Variants in FBP1 observed in about 807,000 individuals in gnomAD.
FBP1 encodes the protein fructose-bisphosphatase 1, also known as fructose-1,6-bisphosphatase 1.
In FBP1, 22 loss-of-function variants were observed where a neutral mutation model predicts 29.9. The observed-to-expected ratio is 0.74, with a 90% CI of 0.53 to 1.05. FBP1 has a LOEUF of 1.05. Among genes scored for constraint, FBP1 ranks in the 50% least tolerant of loss-of-function variants. FBP1 has a pLI of 0.00. For synonymous variants in FBP1, 175 were observed against 178.6 expected (o/e 0.98, Z 0.16); for missense variants, 345 against 448.2 (o/e 0.77, Z 2.08).
chr9:94,605,851 A>C (rs1246828910), intron 5 of FBP1, among the ~76,000 whole-genome samples: 1 of 152,222 alleles, frequency 6.6e-6, no homozygotes, highest in Non-Finnish European at 1.5e-5. Context: ...TGAGGCAGGC[A>C]TTACAGAAAC....
chr9:94,629,899 T>G (rs1318498475), intron 1 of FBP1, among the ~76,000 whole-genome samples: 2 of 152,204 alleles, frequency 1.3e-5, no homozygotes, highest in Non-Finnish European at 2.9e-5. Context: ...GGAGGGCCTC[T>G]GAGCTCACCT....
intron 2 of FBP1, among the ~76,000 whole-genome samples, chr9:94,618,455 TAAAAAAAAAAAAAAA>T (rs59806476): frequency 2.8e-4 from 21 of 74,602 alleles, no homozygotes; most frequent in Admixed American, 8.5e-4. Context: ...ACTCCTTCTG[TAAAAAAAAAAAAAAA>T]AAAAAAAAAA....
At chr9:94,618,492 T>G (rs1264979782) in intron 2 of FBP1, among the ~76,000 whole-genome samples, 2 of 130,952 alleles carry the variant, frequency 1.5e-5, no homozygotes, top group Admixed American at 7.8e-5. Flanking sequence ...AAAAAAAAAT[T>G]CAATTAGCTG....
Position 94,605,442 on chromosome 9 carries a change from A to AG in FBP1, c.825+14dup. 6.2e-7 allele frequency: 1 copy of AG among 1,612,700 alleles called. No homozygotes were observed. Among genetic ancestry groups the AG allele is most frequent in the Non-Finnish European group, 8.5e-7 (1 of 1,179,672 alleles). On this transcript the variant is annotated intron_variant, in intron 6 of 6. Transcript: ENST00000375326. ...GAAATCTGCTCCTCACTCCCTCTCCAGGGGACACCCTTACCTTTCCATTGG... is the reference window on the plus strand; with the variant it reads ...GAAATCTGCTCCTCACTCCCTCTCCAGGGGGACACCCTTACCTTTCCATTGG...
chr9:94,609,133 G>A (rs28369736), intron 4 of FBP1, among the ~76,000 whole-genome samples: 1,927 of 151,354 alleles, frequency 0.013, 48 homozygotes, highest in African/African-American at 0.044. Flanking sequence ...AACTTGCAGT[G>A]AGCCGAGATC....
At chr9:94,619,874 C>CAAAAAAGAAAAAAAAA (rs1827918636) in intron 2 of FBP1, among the ~76,000 whole-genome samples, 1 of 99,184 alleles carries the variant, frequency 1.0e-5, no homozygotes, top group Admixed American at 1.2e-4. Context: ...AACACTGTCT[C>CAAAAAAGAAAAAAAAA]AAAAAAAAAA....
intron 1 of FBP1, 29 bp downstream of exon 1, chr9:94,639,112 C>G: frequency 6.4e-7 from 1 of 1,572,268 alleles, no homozygotes; most frequent in Non-Finnish European, 8.6e-7. Flanking sequence ...ACAGACAGGA[C>G]GGGGCCCACC....
At chr9:94,638,635 G>C (rs201419601) in intron 1 of FBP1, among the ~76,000 whole-genome samples, 6 of 41,626 alleles carry the variant, frequency 1.4e-4, no homozygotes, top group Non-Finnish European at 3.1e-4. Flanking sequence ...CGGGGGGGGC[G>C]GGGGGGACAC....
chr9:94,618,608 C>G (rs28369706), intron 2 of FBP1, among the ~76,000 whole-genome samples: 2,185 of 152,110 alleles, frequency 0.014, 56 homozygotes, highest in African/African-American at 0.05. Context: ...CTGTGCACTC[C>G]AGTCTGGGTG....
chr9:94,633,468 C>A (rs1333139273), intron 1 of FBP1, among the ~76,000 whole-genome samples: 1 of 152,176 alleles, frequency 6.6e-6, no homozygotes, highest in Non-Finnish European at 1.5e-5. Context: ...TTGATGCTTC[C>A]CCAATGTACC....
chr9:94,620,375 A>G lies in FBP1; in HGVS notation c.287T>C (p.Val96Ala). The G allele has an allele frequency of 6.2e-7, 1 of 1,614,224 alleles. No individual in the cohort carries two copies. Among genetic ancestry groups the G allele is most frequent in the East Asian group, 2.2e-5 (1 of 44,884 alleles). ...LKSSFATCVLVSEEDKHAIIV... is the reference protein window; with the variant it reads ...LKSSFATCVLASEEDKHAIIV... ...GATGGCGTGTTTATCTTCTTCTGAC[A>G]CGAGAACACACGTGGCAAAGGATGA... Residue 96 changes from valine (V) to alanine (A), a missense_variant, in exon 2 of 7, where the codon GTG becomes GCG. Transcript: ENST00000375326.
intron 3 of FBP1, among the ~76,000 whole-genome samples, chr9:94,616,934 TTCTCTC>T (rs553480504): frequency 9.7e-6 from 1 of 103,152 alleles, no homozygotes; most frequent in Non-Finnish European, 2.1e-5. Flanking sequence ...CTCTCTCTCT[TTCTCTC>T]TCTCTCTCTC....
intron 5 of FBP1, among the ~76,000 whole-genome samples, chr9:94,605,855 C>A (rs1827691486): frequency 6.6e-6 from 1 of 152,154 alleles, no homozygotes; most frequent in Non-Finnish European, 1.5e-5. Flanking sequence ...GCAGGCATTA[C>A]AGAAACTGTA....
rs770288836 is a variant in FBP1 at position 94,605,526 on chromosome 9, A to G, written c.756T>C (p.Asp252=). The change falls in exon 6 of 7, where the codon GAT becomes GAC. Residue 252 remains aspartate (D), a synonymous_variant. Coordinates refer to ENST00000375326, the MANE Select transcript of FBP1 (RefSeq NM_000507.4). ...CTCCGTAGACCAGAGTGCGATGAAC[A>G]TCAGCCACCATGGAGCCCACATACC... ...GARYVGSMVA[D]VHRTLVYGGI... is the part of the protein sequence containing the mutation. 1 of 1,613,956 alleles carries G rather than the reference A, an allele frequency of 6.2e-7. No individual in the cohort carries two copies. The highest frequency in any genetic ancestry group is 8.5e-7 in the Non-Finnish European group (1 of 1,179,864).
Position 94,606,844 on chromosome 9 carries a change from C to A in FBP1, c.676G>T (p.Glu226Ter). ...YARDFDPAVT[E>*]YIQRKKFPPD... ...GGGAACTTCTTCCTCTGGATGTACTCAGTGACGGCAGGGTCAAAGTCCCTG... is the reference window on the plus strand; with the variant it reads ...GGGAACTTCTTCCTCTGGATGTACTAAGTGACGGCAGGGTCAAAGTCCCTG... Residue 226 changes from glutamate (E) to a stop codon, truncating the protein, a stop_gained, in exon 5 of 7, where the codon GAG becomes TAG. Coordinates refer to ENST00000375326, the MANE Select transcript of FBP1 (RefSeq NM_000507.4). LOFTEE classifies it high-confidence loss of function. 1 of 1,614,018 alleles carries A rather than the reference C, an allele frequency of 6.2e-7. No individual in the cohort carries two copies. Among genetic ancestry groups the A allele is most frequent in the Non-Finnish European group, 8.5e-7 (1 of 1,179,878 alleles).
chr9:94,606,400 C>A (rs1165240379), intron 5 of FBP1, among the ~76,000 whole-genome samples: 1 of 152,218 alleles, frequency 6.6e-6, no homozygotes, highest in Non-Finnish European at 1.5e-5. Flanking sequence ...AACCACATTT[C>A]ATCCCATCTG....
rs147392679 is a variant in FBP1, at chr9:94,605,537, T to C, written c.745A>G (p.Met249Val). ...APYGARYVGSMVADVHRTLVY... is the reference protein window; with the variant it reads ...APYGARYVGSVVADVHRTLVY... ...AGAGTGCGATGAACATCAGCCACCA[T>C]GGAGCCCACATACCGGGCCCCATAA... is the stretch of plus-strand genomic sequence containing the variant. Residue 249 changes from methionine to valine, a missense_variant, in exon 6 of 7, where the codon ATG becomes GTG. Met to Val is a conservative substitution (Grantham distance 21). Transcript: ENST00000375326. 2 of 1,614,050 alleles carry C rather than the reference T, an allele frequency of 1.2e-6. No homozygotes were observed. The highest frequency in any genetic ancestry group is 2.2e-5 in the South Asian group (2 of 91,072).
intron 1 of FBP1, among the ~76,000 whole-genome samples, chr9:94,636,004 T>C (rs934715369): frequency 1.3e-5 from 2 of 152,246 alleles, no homozygotes; most frequent in East Asian, 1.9e-4. Flanking sequence ...TGTAAACTTA[T>C]ATGACTGTAA....
intron 1 of FBP1, among the ~76,000 whole-genome samples, chr9:94,633,398 A>C (rs1030383075): frequency 6.6e-6 from 1 of 152,142 alleles, no homozygotes; most frequent in African/African-American, 2.4e-5. Flanking sequence ...AAAAACTTTC[A>C]AAATCCTTGA....
Sources: allele counts gnomAD v4.1 joint callset (sites outside exome capture counted in the v4.1 genomes callset), GRCh38; gene constraint gnomAD v4.1.1; transcripts MANE v1.5; gene names NCBI Gene and HGNC (gene_info 2026-07-23, HGNC 2026-07-21).